The following TAOK3 variants were observed in gnomAD, a reference collection of about 807,000 sequenced individuals.
TAOK3 encodes the protein TAO kinase 3, also known as serine/threonine-protein kinase TAO3.
Under a neutral mutation model 120.4 loss-of-function variants are expected in TAOK3, and 40 were observed. The ratio of observed to expected loss-of-function variants is 0.33; its 90% CI spans 0.26 to 0.43. The LOEUF (loss-of-function observed/expected upper bound fraction) is 0.43. TAOK3 is among the 20% of genes least tolerant of loss of function. The pLI, the probability that TAOK3 is intolerant of heterozygous loss-of-function variation, is 1.00. For synonymous variants in TAOK3, 355 were observed against 387.5 expected (o/e 0.92, Z 0.99); for missense variants, 821 against 1,112.1 (o/e 0.74, Z 3.72).
At chr12:118,265,275 G>A (rs1028106448) in intron 2 of TAOK3, among the ~76,000 whole-genome samples, 9 of 151,622 alleles carry the variant, frequency 5.9e-5, no homozygotes, top group Middle Eastern at 6.9e-3. Context: ...TGTAATCCTA[G>A]CTACTCAGGA....
At chr12:118,301,620 C>T (rs994858593) in intron 1 of TAOK3, among the ~76,000 whole-genome samples, 1 of 151,960 alleles carries the variant, frequency 6.6e-6, no homozygotes, top group African/African-American at 2.4e-5. Context: ...CCGAGGCAGG[C>T]GGATCACGAG....
intron 1 of TAOK3, among the ~76,000 whole-genome samples, chr12:118,292,008 T>A (rs537568004): frequency 6.6e-6 from 1 of 152,128 alleles, no homozygotes; most frequent in African/African-American, 2.4e-5. Context: ...GAAGACGGGG[T>A]TTCACCGTGA....
chr12:118,302,059 TG>T lies in TAOK3; in HGVS notation c.-193-35301del, dbSNP rs542460467. Among the ~76,000 whole-genome samples the T allele has an allele frequency of 3.2e-4, 48 of 152,246 alleles. No homozygotes were observed. The East Asian group carries it at 9.1e-3, about 29-fold the overall frequency. On this transcript the variant is annotated intron_variant, in intron 1 of 20. Coordinates refer to ENST00000392533, the MANE Select transcript of TAOK3 (RefSeq NM_016281.4). ...ACTCTCAGACACTTGTCCAGTATGG[TG>T]GGGTTTTTGATCTGTTTTGGTTTTT... is the stretch of plus-strand genomic sequence containing the variant.
intron 9 of TAOK3, among the ~76,000 whole-genome samples, chr12:118,217,320 T>G (rs1486008624): frequency 3.3e-5 from 5 of 152,186 alleles, no homozygotes; most frequent in Non-Finnish European, 7.4e-5. Context: ...AGATGACAAC[T>G]ATACCTATTC....
At chr12:118,328,845 T>C (rs1191730789) in intron 1 of TAOK3, among the ~76,000 whole-genome samples, 1 of 152,216 alleles carries the variant, frequency 6.6e-6, no homozygotes, top group Non-Finnish European at 1.5e-5. Flanking sequence ...TTTATAATGG[T>C]TTTTAAATCT....
intron 13 of TAOK3, among the ~76,000 whole-genome samples, chr12:118,190,746 C>T (rs1481354553): frequency 2.0e-5 from 3 of 152,076 alleles, no homozygotes; most frequent in Non-Finnish European, 2.9e-5. Flanking sequence ...CTTGTTCTAA[C>T]GTCCAGTGAA....
chr12:118,273,087 A>C (rs984856254), intron 1 of TAOK3, among the ~76,000 whole-genome samples: 1 of 152,170 alleles, frequency 6.6e-6, no homozygotes, highest in Non-Finnish European at 1.5e-5. Flanking sequence ...GAAAATTTTA[A>C]ATTTAATGTA....
intron 1 of TAOK3, among the ~76,000 whole-genome samples, chr12:118,333,858 G>A (rs2044250798): frequency 6.6e-6 from 1 of 151,446 alleles, no homozygotes; most frequent in Non-Finnish European, 1.5e-5. Flanking sequence ...AATTGAGGCT[G>A]GGTGTGGAGG....
At chr12:118,319,765 C>T (rs1310331974) in intron 1 of TAOK3, among the ~76,000 whole-genome samples, 1 of 152,084 alleles carries the variant, frequency 6.6e-6, no homozygotes, top group Non-Finnish European at 1.5e-5. Context: ...TAAAATGATG[C>T]AGCCTCTATG....
In TAOK3 at chr12:118,314,692, C is replaced by T. The variant is rs186040748; in HGVS notation, c.-193-47933G>A. 6.2e-3 allele frequency among the ~76,000 whole-genome samples: 946 copies of T among 152,266 alleles called. 4 individuals are homozygous for T. The highest frequency in any genetic ancestry group is 9.0e-3 in the Non-Finnish European group (609 of 68,012). ...AGAAATTGAGACTCATATGGATGGA[C>T]TAACCTGACATAAGTTATCCAACTA... On this transcript the variant is annotated intron_variant, in intron 1 of 20. Transcript: ENST00000392533.
intron 1 of TAOK3, among the ~76,000 whole-genome samples, chr12:118,357,411 C>A (rs546900308): frequency 1.3e-5 from 2 of 152,156 alleles, no homozygotes; most frequent in African/African-American, 4.8e-5. Context: ...TCTGCTAACA[C>A]GTGGCTTTCC....
chr12:118,236,069 T>C (rs1313961708), intron 7 of TAOK3: 1 of 160,096 alleles, frequency 6.2e-6, no homozygotes, highest in African/African-American at 2.4e-5. Context: ...CTGCTTTTTC[T>C]GCTTTTCCAA....
At chr12:118,179,641 C>T (rs1156554301) in intron 15 of TAOK3, among the ~76,000 whole-genome samples, 59 of 146,590 alleles carry the variant, frequency 4.0e-4, no homozygotes, top group African/African-American at 1.4e-3. Flanking sequence ...CCTTACCCTT[C>T]TGTTTTTTTT....
intron 19 of TAOK3, among the ~76,000 whole-genome samples, chr12:118,158,097 T>C (rs2034963376): frequency 6.6e-6 from 1 of 152,212 alleles, no homozygotes; most frequent in Non-Finnish European, 1.5e-5. Flanking sequence ...ATTCTTCTAA[T>C]TGATCTCTGC....
intron 1 of TAOK3, among the ~76,000 whole-genome samples, chr12:118,335,428 A>G (rs2141064151): frequency 6.6e-6 from 1 of 152,286 alleles, no homozygotes; most frequent in East Asian, 1.9e-4. Context: ...TGATATCTTG[A>G]GTAGTTCTTT....
At chr12:118,296,421 A>G (rs1370162138) in intron 1 of TAOK3, among the ~76,000 whole-genome samples, 1 of 152,218 alleles carries the variant, frequency 6.6e-6, no homozygotes, top group Non-Finnish European at 1.5e-5. Context: ...GGCGTGAGCC[A>G]CTATGCCTGG....
chr12:118,289,356 A>G (rs1422954423), intron 1 of TAOK3, among the ~76,000 whole-genome samples: 1 of 151,902 alleles, frequency 6.6e-6, no homozygotes, highest in African/African-American at 2.4e-5. Flanking sequence ...TATTTAGAAT[A>G]ACTGATCTTT....
At chr12:118,279,900 G>C (rs191909692) in intron 1 of TAOK3, among the ~76,000 whole-genome samples, 27 of 151,666 alleles carry the variant, frequency 1.8e-4, no homozygotes, top group Admixed American at 7.9e-4. Context: ...CAAGTAGCTG[G>C]GATTATAGGC....
intron 9 of TAOK3, among the ~76,000 whole-genome samples, chr12:118,217,811 G>GTGTA (rs1353848789): frequency 1.7e-4 from 13 of 75,400 alleles, no homozygotes; most frequent in South Asian, 4.9e-4. Flanking sequence ...GTGTGTGTGT[G>GTGTA]TATACATATA....
Sources: allele counts gnomAD v4.1 joint callset (sites outside exome capture counted in the v4.1 genomes callset), GRCh38; gene constraint gnomAD v4.1.1; transcripts MANE v1.5; gene names NCBI Gene and HGNC (gene_info 2026-07-23, HGNC 2026-07-21).